The following MORN3 variants were observed in gnomAD, a reference collection of about 807,000 sequenced individuals.
MORN3 encodes the protein MORN repeat containing 3.
A neutral mutation model predicts 34.7 loss-of-function variants in MORN3; 38 were observed. The ratio of observed to expected loss-of-function variants is 1.10; its 90% CI spans 0.85 to 1.44. The LOEUF (loss-of-function observed/expected upper bound fraction) is 1.44. Among genes scored for constraint, MORN3 ranks in the 40% most tolerant of loss-of-function variants. The probability of loss-of-function intolerance (pLI) is 0.00; values close to 1 mark genes in which losing one functional copy is unlikely to be tolerated. For synonymous variants in MORN3, 109 were observed against 115.3 expected, an observed-to-expected ratio of 0.95 and a Z score of 0.35; for missense variants, 311 against 321.7, an observed-to-expected ratio of 0.97 and a Z score of 0.25.
intron 1 of MORN3, among the ~76,000 whole-genome samples, chr12:121,660,585 G>A (rs1407299431): frequency 2.7e-5 from 4 of 150,860 alleles, no homozygotes; most frequent in Non-Finnish European, 4.4e-5. Flanking sequence ...TCCTGACATC[G>A]TGATCCGTCT....
At chr12:121,657,812 A>T (rs1339643518) in intron 2 of MORN3, among the ~76,000 whole-genome samples, 3 of 151,742 alleles carry the variant, frequency 2.0e-5, no homozygotes, top group Non-Finnish European at 2.9e-5. Flanking sequence ...GGTTGCGGTG[A>T]GCCGAGATCA....
chr12:121,665,278 C>CTTTTTTTTTTTT lies in MORN3; in HGVS notation c.145+4049_145+4060dup, dbSNP rs767525874. Among the ~76,000 whole-genome samples, 28 of 50,672 alleles carry CTTTTTTTTTTTT rather than the reference C, an allele frequency of 5.5e-4. 3 individuals carry two copies. The highest frequency in any genetic ancestry group is 7.8e-4 in the East Asian group (1 of 1,288). 33.2% of individuals were successfully genotyped at this position (50,672 alleles called of 152,430 possible). On this transcript the variant is annotated intron_variant, in intron 1 of 5. Transcript: ENST00000355329. ...AGATCTCGCGTTTTCTTTTTCTTTC[C>CTTTTTTTTTTTT]TTTTTTTTTTTTTTTTTTTTTTTTT... is the stretch of plus-strand genomic sequence containing the variant.
intron 1 of MORN3, among the ~76,000 whole-genome samples, chr12:121,667,746 C>T (rs566690988): frequency 1.8e-4 from 27 of 149,142 alleles, no homozygotes; most frequent in Non-Finnish European, 3.4e-4. Context: ...TTTTTGGAGA[C>T]GGAGTCTTGC....
At chr12:121,655,782 G>A (rs1458318738) in intron 2 of MORN3, among the ~76,000 whole-genome samples, 2 of 151,920 alleles carry the variant, frequency 1.3e-5, no homozygotes, top group African/African-American at 4.8e-5. Context: ...TGTAATCCCA[G>A]CACTTTGGGA....
At chr12:121,668,257 T>C (rs1454969301) in intron 1 of MORN3, among the ~76,000 whole-genome samples, 1 of 150,834 alleles carries the variant, frequency 6.6e-6, no homozygotes, top group African/African-American at 2.4e-5. Flanking sequence ...GAGCACAGAA[T>C]TGGGCTGGGC....
At chr12:121,665,764 C>CAAAA (rs59071462) in intron 1 of MORN3, among the ~76,000 whole-genome samples, 34 of 50,502 alleles carry the variant, frequency 6.7e-4, no homozygotes, top group East Asian at 1.8e-3. Flanking sequence ...GACTCTGTCT[C>CAAAA]AAAAAAAAAA....
intron 1 of MORN3, among the ~76,000 whole-genome samples, chr12:121,665,747 A>C (rs1000178381): frequency 2.8e-5 from 4 of 143,070 alleles, no homozygotes; most frequent in African/African-American, 1.1e-4. Context: ...CCTGGGCGAC[A>C]GAATGAGACT....
chr12:121,671,700 T>G (rs1893973637), upstream of MORN3, among the ~76,000 whole-genome samples: 1 of 151,378 alleles, frequency 6.6e-6, no homozygotes, highest in Admixed American at 6.6e-5. Flanking sequence ...GCCAACATAG[T>G]GAAACCGCGT....
At chr12:121,652,688 T>A in intron 5 of MORN3, 40 bp downstream of exon 5, 2 of 1,589,178 alleles carry the variant, frequency 1.3e-6, no homozygotes, top group Non-Finnish European at 1.7e-6. Context: ...TGGAGCAGCC[T>A]CAGCCACATC....
rs767699106 is a variant in MORN3 at position 121,659,352 on chromosome 12, G to C, written c.146-4C>G. 2 of 1,613,298 alleles carry C rather than the reference G, an allele frequency of 1.2e-6. No individual in the cohort carries two copies. Among genetic ancestry groups the C allele is most frequent in the East Asian group, 2.2e-5 (1 of 44,864 alleles). On this transcript the variant is annotated splice_polypyrimidine_tract_variant and splice_region_variant and intron_variant, in intron 1 of 5. Transcript: ENST00000355329. Reference sequence around the variant, plus strand: ...TTCCAGACCTGTGTTCCTTTCCCTGGTGACACACAGATGGGCAATGCTGCA... The same window carrying C: ...TTCCAGACCTGTGTTCCTTTCCCTGCTGACACACAGATGGGCAATGCTGCA...
At chr12:121,667,695 C>G (rs1464213838) in intron 1 of MORN3, among the ~76,000 whole-genome samples, 1 of 151,732 alleles carries the variant, frequency 6.6e-6, no homozygotes, top group Non-Finnish European at 1.5e-5. Context: ...AACATCCACT[C>G]AGTTACTCCC....
chr12:121,671,678 G>A (rs1402993712), upstream of MORN3, among the ~76,000 whole-genome samples: 1 of 151,586 alleles, frequency 6.6e-6, no homozygotes, highest in Non-Finnish European at 1.5e-5. Flanking sequence ...TCGGGAGTTC[G>A]AGACCAGCCT....
chr12:121,667,849 G>A (rs533877695), intron 1 of MORN3, among the ~76,000 whole-genome samples: 61 of 151,042 alleles, frequency 4.0e-4, no homozygotes, highest in African/African-American at 1.4e-3. Flanking sequence ...TCAGCCTCCC[G>A]AGTAGCTGGG....
chr12:121,659,169 C>CA (rs1566482153), intron 2 of MORN3, 22 bp downstream of exon 2: 15 of 1,546,202 alleles, frequency 9.7e-6, no homozygotes, highest in South Asian at 5.6e-5. Context: ...ACACACACAC[C>CA]CCGGCTGGCA....
rs1208837829 is a variant in MORN3, at chr12:121,653,528, T to G, written c.464-269A>C. On this transcript the variant is annotated intron_variant, in intron 3 of 5. Coordinates refer to ENST00000355329, the MANE Select transcript of MORN3 (RefSeq NM_173855.5). ...GCTGAGGTGGGAGGATGGCTTGAGCTCAAGAAGTTGAGGCTGCAGTGAGCT... is the reference window on the plus strand; with the variant it reads ...GCTGAGGTGGGAGGATGGCTTGAGCGCAAGAAGTTGAGGCTGCAGTGAGCT... 3.9e-5 allele frequency among the ~76,000 whole-genome samples: 6 copies of G among 152,206 alleles called. No individual in the cohort carries two copies. The East Asian group carries it at 1.2e-3, about 29-fold the overall frequency.
chr12:121,656,905 G>A (rs564424640), intron 2 of MORN3, among the ~76,000 whole-genome samples: 8 of 151,930 alleles, frequency 5.3e-5, no homozygotes, highest in African/African-American at 9.6e-5. Flanking sequence ...CATATTCTAC[G>A]TAAATTGGTT....
At position 121,654,333 on chromosome 12, in the gene MORN3, T is replaced by G; in HGVS notation, c.404A>C (p.Asp135Ala). Residue 135 changes from aspartate to alanine, a missense_variant, in exon 3 of 6, where the codon GAC (aspartate) becomes GCC (alanine). Coordinates refer to ENST00000355329, the MANE Select transcript of MORN3 (RefSeq NM_173855.5). ...GTTCTCCCACTGTCCCTCGTAGATG[T>G]CGCCGTTGCTGTAATACATGCGGCC... ...GWGRMYYSNG[D>A]IYEGQWENDK... The G allele has an allele frequency of 6.2e-7, 1 of 1,602,858 alleles. No individual in the cohort carries two copies. The highest frequency in any genetic ancestry group is 8.5e-7 in the Non-Finnish European group (1 of 1,175,414).
At chr12:121,663,750 GT>G (rs111992034) in intron 1 of MORN3, among the ~76,000 whole-genome samples, 11 of 151,510 alleles carry the variant, frequency 7.3e-5, no homozygotes, top group Admixed American at 6.6e-4. Flanking sequence ...GCCTTTATTG[GT>G]TTTTTTTATT....
upstream of MORN3, among the ~76,000 whole-genome samples, chr12:121,671,112 CA>C (rs373837950): frequency 1.6e-3 from 141 of 86,714 alleles, no homozygotes; most frequent in Admixed American, 2.0e-3. Flanking sequence ...GACTCTGTCT[CA>C]AAAAAAAAAA....
Sources: allele counts gnomAD v4.1 joint callset (sites outside exome capture counted in the v4.1 genomes callset), GRCh38; gene constraint gnomAD v4.1.1; transcripts MANE v1.5; gene names NCBI Gene and HGNC (gene_info 2026-07-23, HGNC 2026-07-21).